Variants in LRRC4C observed in about 807,000 individuals in gnomAD.
The protein encoded by LRRC4C is leucine rich repeat containing 4C.
In LRRC4C, 5 loss-of-function variants were observed where a neutral mutation model predicts 33.6. The observed-to-expected ratio is 0.15, with a 90% CI of 0.08 to 0.31. LRRC4C has a LOEUF of 0.31. Among genes scored for constraint, LRRC4C ranks in the 10% least tolerant of loss-of-function variants. The pLI is 1.00. For synonymous variants in LRRC4C, 329 were observed against 302.0 expected, an observed-to-expected ratio of 1.09 and a Z score of -0.93; for missense variants, 560 against 796.7, an observed-to-expected ratio of 0.70 and a Z score of 3.58.
intron 2 of LRRC4C, among the ~76,000 whole-genome samples, chr11:40,832,275 T>C (rs2135554407): frequency 6.6e-6 from 1 of 152,304 alleles, no homozygotes; most frequent in Admixed American, 6.5e-5. Context: ...GGGATGTCCA[T>C]CATATATGCA....
chr11:40,682,639 G>A (rs576873117), intron 2 of LRRC4C, among the ~76,000 whole-genome samples: 4 of 152,064 alleles, frequency 2.6e-5, no homozygotes, highest in African/African-American at 9.6e-5. Context: ...AGCAGCTGTG[G>A]TGGTGAATGC....
chr11:40,955,878 A>G (rs1176430565), intron 1 of LRRC4C, among the ~76,000 whole-genome samples: 1 of 151,794 alleles, frequency 6.6e-6, no homozygotes, highest in East Asian at 1.9e-4. Flanking sequence ...CATACATTCC[A>G]CACACATGGG....
At chr11:41,210,617 G>A (rs996416679) in intron 1 of LRRC4C, among the ~76,000 whole-genome samples, 1 of 152,138 alleles carries the variant, frequency 6.6e-6, no homozygotes, top group African/African-American at 2.4e-5. Context: ...GCTTGGTAAA[G>A]ATATCTAGTA....
At chr11:40,717,881 T>C (rs1413581824) in intron 2 of LRRC4C, among the ~76,000 whole-genome samples, 3 of 152,178 alleles carry the variant, frequency 2.0e-5, no homozygotes, top group African/African-American at 4.8e-5. Context: ...TTTCTGAAAA[T>C]GCAAAGATGG....
intron 1 of LRRC4C, among the ~76,000 whole-genome samples, chr11:41,086,658 G>A (rs1250480788): frequency 6.6e-6 from 1 of 151,948 alleles, no homozygotes; most frequent in Non-Finnish European, 1.5e-5. Flanking sequence ...TTTCTTACAG[G>A]CATGGTGACT....
intron 1 of LRRC4C, among the ~76,000 whole-genome samples, chr11:40,994,883 C>T (rs140103777): frequency 9.2e-5 from 14 of 152,044 alleles, no homozygotes; most frequent in Admixed American, 9.2e-4. Flanking sequence ...CTTGTCCTTC[C>T]CCATTGTCCC....
chr11:41,079,496 GC>G (rs1339384926), intron 1 of LRRC4C, among the ~76,000 whole-genome samples: 4 of 152,122 alleles, frequency 2.6e-5, no homozygotes, highest in African/African-American at 9.7e-5. Context: ...CTATACAAAT[GC>G]CTTATGTGGG....
At chr11:40,990,139 C>T (rs1565277422) in intron 1 of LRRC4C, among the ~76,000 whole-genome samples, 1 of 149,444 alleles carries the variant, frequency 6.7e-6, no homozygotes, top group African/African-American at 2.5e-5. Flanking sequence ...TAGTCCAAAT[C>T]ACACACCTAA....
At chr11:40,809,816 G>T (rs1414318065) in intron 2 of LRRC4C, among the ~76,000 whole-genome samples, 1 of 152,006 alleles carries the variant, frequency 6.6e-6, no homozygotes, top group Non-Finnish European at 1.5e-5. Flanking sequence ...AATTTCTTAA[G>T]GTTTGCTTAT....
chr11:40,929,581 C>A (rs1732614848), intron 2 of LRRC4C, among the ~76,000 whole-genome samples: 1 of 151,942 alleles, frequency 6.6e-6, no homozygotes, highest in African/African-American at 2.4e-5. Flanking sequence ...AGAAATAGCA[C>A]CACCTTCTAG....
chr11:41,020,756 C>T (rs1855903424), intron 1 of LRRC4C, among the ~76,000 whole-genome samples: 1 of 151,938 alleles, frequency 6.6e-6, no homozygotes, highest in Non-Finnish European at 1.5e-5. Flanking sequence ...TGTCTATGTG[C>T]TTAACCCTAT....
chr11:40,881,643 C>T (rs1013944468), intron 2 of LRRC4C, among the ~76,000 whole-genome samples: 9 of 127,200 alleles, frequency 7.1e-5, no homozygotes, highest in African/African-American at 2.6e-4. Context: ...TTTTTAATGG[C>T]AGTTGTAGTT....
chr11:40,263,645 G>A (rs1213021511), intron 4 of LRRC4C, among the ~76,000 whole-genome samples: 2 of 152,160 alleles, frequency 1.3e-5, no homozygotes, highest in Admixed American at 1.3e-4. Flanking sequence ...GCATGCCACA[G>A]TGCTCGGCTC....
intron 2 of LRRC4C, among the ~76,000 whole-genome samples, chr11:40,793,013 G>A (rs1950687843): frequency 6.6e-6 from 1 of 152,092 alleles, no homozygotes; most frequent in Non-Finnish European, 1.5e-5. Context: ...GGGAAGGATA[G>A]CATTAGGAGA....
intron 2 of LRRC4C, among the ~76,000 whole-genome samples, chr11:40,831,660 A>AGAG (rs1430163184): frequency 5.3e-5 from 8 of 152,182 alleles, no homozygotes; most frequent in Admixed American, 5.2e-4. Flanking sequence ...TAATGGACTC[A>AGAG]GTTCTACATG....
At chr11:41,431,243 A>G (rs1387615223) in intron 1 of LRRC4C, among the ~76,000 whole-genome samples, 1 of 152,148 alleles carries the variant, frequency 6.6e-6, no homozygotes, top group Non-Finnish European at 1.5e-5. Flanking sequence ...TAAAACAGTA[A>G]TATTAACCAA....
intron 3 of LRRC4C, among the ~76,000 whole-genome samples, chr11:40,528,833 G>C (rs146381742): frequency 6.6e-6 from 1 of 152,070 alleles, no homozygotes; most frequent in East Asian, 1.9e-4. Context: ...CTGCCATTTG[G>C]AACAGCATGG....
rs1471654478 is a variant in LRRC4C, at chr11:40,839,672, T to A, written c.-407+93963A>T. On this transcript the variant is annotated intron_variant, in intron 2 of 6. Coordinates refer to ENST00000528697, the MANE Select transcript of LRRC4C (RefSeq NM_001258419.2). ...AGGAGAGTCATTATTCTTGACTCTG[T>A]TATGTCTATTAGTCCTCTACAGATG... is the stretch of plus-strand genomic sequence containing the variant. Among the ~76,000 whole-genome samples the A allele has an allele frequency of 5.3e-5, 8 of 152,304 alleles. No homozygotes were observed. In the East Asian group the frequency reaches 9.7e-4, roughly 18 times the overall value.
chr11:40,459,213 A>G (rs894031049), intron 3 of LRRC4C, among the ~76,000 whole-genome samples: 8 of 152,158 alleles, frequency 5.3e-5, no homozygotes, highest in African/African-American at 1.7e-4. Context: ...TTCAATACTA[A>G]CTTCCTGTTA....
Sources: gnomAD v4.1 joint callset for allele counts (sites outside exome capture counted in the v4.1 genomes callset) on GRCh38, gnomAD v4.1.1 for gene constraint, MANE v1.5 for transcripts, NCBI Gene and HGNC (gene_info 2026-07-23, HGNC 2026-07-21) for gene names.